The following NAALADL2 variants were observed in gnomAD, a reference collection of about 807,000 sequenced individuals.
NAALADL2 encodes the protein inactive N-acetylated-alpha-linked acidic dipeptidase-like protein 2.
Under a neutral mutation model 87.2 loss-of-function variants are expected in NAALADL2, and 76 were observed. The ratio of observed to expected loss-of-function variants is 0.87; its 90% CI spans 0.72 to 1.05. The LOEUF is 1.05. Ranked by LOEUF, NAALADL2 falls within the 50% of genes least tolerant of loss-of-function variation. The pLI is 0.00. For missense variants in NAALADL2, 1,089 were observed against 945.8 expected (o/e 1.15, Z -1.99); for synonymous variants, 354 against 331.0 (o/e 1.07, Z -0.75).
intron 2 of NAALADL2, among the ~76,000 whole-genome samples, chr3:174,637,105 T>G (rs547531250): frequency 1.3e-5 from 2 of 152,140 alleles, no homozygotes; most frequent in East Asian, 3.9e-4. Flanking sequence ...CATTAATATA[T>G]GAGAGTGAAA....
At chr3:175,294,065 G>A (rs1264037066) in intron 4 of NAALADL2, among the ~76,000 whole-genome samples, 2 of 152,100 alleles carry the variant, frequency 1.3e-5, no homozygotes, top group Non-Finnish European at 2.9e-5. Flanking sequence ...CAGGTAATAG[G>A]CAAGAGGAGT....
intron 3 of NAALADL2, among the ~76,000 whole-genome samples, chr3:174,798,314 G>T (rs1486466230): frequency 1.3e-5 from 2 of 152,064 alleles, no homozygotes; most frequent in African/African-American, 4.8e-5. Context: ...AAATTTTGTG[G>T]TTATATAGTG....
At chr3:175,802,963 C>T in intron 13 of NAALADL2, 42 bp from the exon 14 acceptor site, 1 of 1,279,656 alleles carries the variant, frequency 7.8e-7, no homozygotes, top group East Asian at 2.4e-5. Context: ...AGAAAAATAG[C>T]ATTGTGCATG....
intron 4 of NAALADL2, among the ~76,000 whole-genome samples, chr3:175,316,943 C>T (rs1388809970): frequency 6.6e-6 from 1 of 152,092 alleles, no homozygotes; most frequent in Non-Finnish European, 1.5e-5. Flanking sequence ...TGACAGATGC[C>T]ACCAGGAGCC....
chr3:174,699,332 C>T (rs1330624464), intron 2 of NAALADL2, among the ~76,000 whole-genome samples: 2 of 151,936 alleles, frequency 1.3e-5, no homozygotes, highest in Non-Finnish European at 2.9e-5. Context: ...CTCGTCTCTA[C>T]TAAAACAAAA....
At chr3:174,509,861 C>T (rs1369434104) in intron 1 of NAALADL2, among the ~76,000 whole-genome samples, 2 of 151,958 alleles carry the variant, frequency 1.3e-5, no homozygotes, top group East Asian at 3.9e-4. Context: ...ATTCAACATA[C>T]GAATTTTGGG....
At chr3:175,203,482 T>C (rs1165027036) in intron 2 of NAALADL2, among the ~76,000 whole-genome samples, 1 of 152,176 alleles carries the variant, frequency 6.6e-6, no homozygotes, top group East Asian at 1.9e-4. Flanking sequence ...GGAGCACTCA[T>C]AGTGTTTGGA....
chr3:174,565,169 A>G (rs72622544), intron 2 of NAALADL2, among the ~76,000 whole-genome samples: 41,811 of 151,856 alleles, frequency 0.28, 6,937 homozygotes, highest in East Asian at 0.75. Context: ...TTGATTCAGT[A>G]TTATTAATCT....
chr3:175,245,972 A>T (rs941383768), intron 3 of NAALADL2, among the ~76,000 whole-genome samples: 13 of 152,166 alleles, frequency 8.5e-5, no homozygotes, highest in Admixed American at 8.5e-4. Context: ...TTGCTTAGTT[A>T]TGTCTGCCAC....
intron 1 of NAALADL2, among the ~76,000 whole-genome samples, chr3:174,473,579 C>G (rs1438193078): frequency 6.6e-6 from 1 of 151,998 alleles, no homozygotes. Flanking sequence ...ATATAATATG[C>G]CTAAACATAT....
At chr3:175,589,388 T>C (rs1721040313) in intron 10 of NAALADL2, among the ~76,000 whole-genome samples, 1 of 152,056 alleles carries the variant, frequency 6.6e-6, no homozygotes. Flanking sequence ...CTCACAAATA[T>C]TAATTCCCTC....
At chr3:174,880,323 G>A (rs1318987131) in intron 1 of NAALADL2, among the ~76,000 whole-genome samples, 4 of 151,916 alleles carry the variant, frequency 2.6e-5, no homozygotes, top group African/African-American at 9.7e-5. Flanking sequence ...CAGTTGCTCA[G>A]CCTAAAACAA....
At chr3:175,600,628 C>T (rs1425990009) in intron 10 of NAALADL2, among the ~76,000 whole-genome samples, 2 of 149,448 alleles carry the variant, frequency 1.3e-5, no homozygotes, top group African/African-American at 4.9e-5. Flanking sequence ...AGCTCCGCCT[C>T]CCAGGTTCAC....
At chr3:175,361,746 C>A (rs1389392934) in intron 5 of NAALADL2, among the ~76,000 whole-genome samples, 2 of 148,104 alleles carry the variant, frequency 1.4e-5, no homozygotes, top group Non-Finnish European at 3.0e-5. Flanking sequence ...TGTTTGAGTT[C>A]TTTGTAGATT....
intron 1 of NAALADL2, among the ~76,000 whole-genome samples, chr3:174,937,979 GGT>G (rs1368945117): frequency 6.6e-6 from 1 of 151,874 alleles, no homozygotes; most frequent in African/African-American, 2.4e-5. Flanking sequence ...TAATCTTTAT[GGT>G]AATGTATTGT....
intron 1 of NAALADL2, among the ~76,000 whole-genome samples, chr3:175,075,542 T>A (rs969743088): frequency 1.3e-5 from 2 of 152,184 alleles, no homozygotes; most frequent in African/African-American, 2.4e-5. Context: ...AATGTTCCAT[T>A]TTAGTCCCTG....
chr3:174,810,035 G>T (rs1244136075), intron 3 of NAALADL2, among the ~76,000 whole-genome samples: 1 of 152,098 alleles, frequency 6.6e-6, no homozygotes, highest in Non-Finnish European at 1.5e-5. Context: ...GCTCCCTGAG[G>T]CCTCCTCAGA....
At chr3:174,653,468 C>A (rs916686190) in intron 2 of NAALADL2, among the ~76,000 whole-genome samples, 1 of 151,980 alleles carries the variant, frequency 6.6e-6, no homozygotes, top group Non-Finnish European at 1.5e-5. Flanking sequence ...GATTTCTATC[C>A]TTTGGGACTT....
chr3:175,232,059 T>C (rs1745013391), intron 2 of NAALADL2, among the ~76,000 whole-genome samples: 1 of 151,624 alleles, frequency 6.6e-6, no homozygotes, highest in South Asian at 2.1e-4. Flanking sequence ...TTCCATAAAA[T>C]TTAGGTGGCA....
Sources: gnomAD v4.1 joint callset for allele counts (sites outside exome capture counted in the v4.1 genomes callset) on GRCh38, gnomAD v4.1.1 for gene constraint, MANE v1.5 for transcripts, NCBI Gene and HGNC (gene_info 2026-07-23, HGNC 2026-07-21) for gene names.